NAT1: variants seen among roughly 807,000 people sequenced by gnomAD.
NAT1 encodes the protein arylamine N-acetyltransferase 1.
For synonymous variants in NAT1, 144 were observed against 122.6 expected, an observed-to-expected ratio of 1.17 and a Z score of -1.16; for missense variants, 400 against 339.2, an observed-to-expected ratio of 1.18 and a Z score of -1.41.
intron 1 of NAT1, chr8:18,212,656 C>T (rs1250874470): frequency 6.6e-6 from 1 of 152,328 alleles, no homozygotes; most frequent in Non-Finnish European, 1.5e-5. Context: ...GGCAAAGCAG[C>T]TTCAGGAGCC....
intron 2 of NAT1, among the ~76,000 whole-genome samples, chr8:18,187,840 G>A (rs3901866): frequency 0.38 from 57,696 of 151,520 alleles, 14,577 homozygotes; most frequent in African/African-American, 0.72. Context: ...CTGCGCATAT[G>A]CCCCGGAACC....
rs13278990 is a variant in NAT1, at chr8:18,215,845, T to G, written c.-85-3566T>G. ...CTGGGGTTGGTGTAGACTTGTCAAT[T>G]GAGGAAAATGACGAGACGAGTCTCA... On this transcript the variant is annotated intron_variant, in intron 1 of 2. Transcript: ENST00000307719. Among the ~76,000 whole-genome samples, 596 of 152,032 alleles carry G rather than the reference T, an allele frequency of 3.9e-3. 6 individuals are homozygous for G. Among genetic ancestry groups the G allele is most frequent in the African/African-American group, 0.014 (564 of 41,472 alleles).
intron 2 of NAT1, among the ~76,000 whole-genome samples, chr8:18,177,019 G>T (rs747231794): frequency 6.6e-6 from 1 of 152,030 alleles, no homozygotes; most frequent in South Asian, 2.1e-4. Context: ...CAGATAGTTT[G>T]TTATTAGTGT....
chr8:18,202,787 T>G (rs749614044), intron 2 of NAT1, among the ~76,000 whole-genome samples: 1 of 152,010 alleles, frequency 6.6e-6, no homozygotes, highest in Non-Finnish European at 1.5e-5. Context: ...CAGCAAGATT[T>G]ATTGTGAAGA....
intron 2 of NAT1, among the ~76,000 whole-genome samples, chr8:18,192,768 C>T (rs994440048): frequency 1.3e-5 from 2 of 151,844 alleles, no homozygotes; most frequent in Admixed American, 6.6e-5. Context: ...CATGTTCTCA[C>T]CCATAGATGG....
chr8:18,213,178 C>G (rs1221956281), intron 1 of NAT1, among the ~76,000 whole-genome samples: 1 of 151,922 alleles, frequency 6.6e-6, no homozygotes, highest in Admixed American at 6.6e-5. Flanking sequence ...TCCCAAAGCG[C>G]TGGGATGACA....
intron 2 of NAT1, 70 bp from the exon 3 acceptor site, chr8:18,221,972 C>A: frequency 1.4e-6 from 2 of 1,426,536 alleles, no homozygotes; most frequent in Non-Finnish European, 1.9e-6. Flanking sequence ...AAAATATAGC[C>A]ATAATTAGCC....
chr8:18,194,220 A>G (rs895908239), intron 2 of NAT1, among the ~76,000 whole-genome samples: 11 of 152,154 alleles, frequency 7.2e-5, no homozygotes, highest in Non-Finnish European at 2.9e-5. Context: ...ACAAAACGTG[A>G]TTATTAACCA....
At chr8:18,181,886 C>T (rs1802537312) in intron 2 of NAT1, among the ~76,000 whole-genome samples, 1 of 152,116 alleles carries the variant, frequency 6.6e-6, no homozygotes, top group Non-Finnish European at 1.5e-5. Context: ...TCTCCTCTGT[C>T]CCAGGGAAGG....
intron 2 of NAT1, among the ~76,000 whole-genome samples, chr8:18,177,007 T>C (rs965848250): frequency 6.6e-6 from 1 of 152,094 alleles, no homozygotes; most frequent in African/African-American, 2.4e-5. Context: ...AAATTTCTTT[T>C]CCAGATAGTT....
chr8:18,203,923 A>C (rs73666899), intron 2 of NAT1, among the ~76,000 whole-genome samples: 8,312 of 152,204 alleles, frequency 0.055, 671 homozygotes, highest in African/African-American at 0.18. Context: ...TGGTGGCTCC[A>C]TCTTCCCTTC....
intron 2 of NAT1, among the ~76,000 whole-genome samples, chr8:18,179,350 G>C (rs1802419232): frequency 6.6e-6 from 1 of 152,108 alleles, no homozygotes; most frequent in Non-Finnish European, 1.5e-5. Flanking sequence ...ACTGATTTTA[G>C]GGAATTGGTC....
At chr8:18,190,346 C>T (rs561658874) in intron 2 of NAT1, among the ~76,000 whole-genome samples, 4 of 152,282 alleles carry the variant, frequency 2.6e-5, no homozygotes, top group Admixed American at 6.5e-5. Context: ...TCAGAGGAGG[C>T]GGTATTCACT....
chr8:18,176,669 C>A (rs1048408854), intron 2 of NAT1, among the ~76,000 whole-genome samples: 8 of 150,280 alleles, frequency 5.3e-5, no homozygotes, highest in African/African-American at 2.0e-4. Context: ...CTACTTTGTT[C>A]TTTTTGCTCA....
At chr8:18,199,637 G>A (rs530117541) in intron 2 of NAT1, among the ~76,000 whole-genome samples, 2 of 152,120 alleles carry the variant, frequency 1.3e-5, no homozygotes, top group Admixed American at 6.5e-5. Context: ...TTGGCTTTTG[G>A]GAGTAGTACC....
chr8:18,171,892 C>T lies in NAT1; in HGVS notation n.92+1153C>T, dbSNP rs141636487. Among the ~76,000 whole-genome samples the T allele has an allele frequency of 3.9e-4, 59 of 152,290 alleles. No homozygotes were observed. The East Asian group carries it at 5.8e-3, about 15-fold the overall frequency. On this transcript the variant is annotated intron_variant and non_coding_transcript_variant, in intron 2 of 4. Transcript: ENST00000517441. ...GTAGCAGTGGTTGCCAAACTGGTAG[C>T]GATCTTCTCTGAGGTAGTTTAGGGA...
At chr8:18,173,428 A>G (rs1159664703) in intron 2 of NAT1, among the ~76,000 whole-genome samples, 6 of 152,104 alleles carry the variant, frequency 3.9e-5, no homozygotes, top group Admixed American at 3.3e-4. Context: ...CCTCCAACAT[A>G]TCACTACACA....
intron 1 of NAT1, chr8:18,216,936 C>T (rs753610741): frequency 6.4e-7 from 1 of 1,551,376 alleles, no homozygotes; most frequent in South Asian, 1.2e-5. Context: ...CCTCGAGCCA[C>T]AGGGTCCAGC....
chr8:18,204,809 G>A lies in NAT1; in HGVS notation n.93-4972G>A, dbSNP rs545807395. On this transcript the variant is annotated intron_variant and non_coding_transcript_variant, in intron 2 of 4. Transcript: ENST00000517441. ...AAAAGTAAGATGTAATTTTGGTGAA[G>A]AATGTTATAAGACAGATATGAGGAT... 2.0e-5 allele frequency among the ~76,000 whole-genome samples: 3 copies of A among 152,318 alleles called. No homozygotes were observed. In the East Asian group the frequency reaches 5.8e-4, roughly 29 times the overall value.
Sources: allele counts gnomAD v4.1 joint callset (sites outside exome capture counted in the v4.1 genomes callset), GRCh38; gene constraint gnomAD v4.1.1; transcripts MANE v1.5; gene names NCBI Gene and HGNC (gene_info 2026-07-23, HGNC 2026-07-21).